Variants in C13orf42 observed in about 807,000 individuals in gnomAD.
The protein encoded by C13orf42 is uncharacterized protein C13orf42.
chr13:51,159,768 T>C (rs757350472), intron 1 of C13orf42, among the ~76,000 whole-genome samples: 14 of 152,114 alleles, frequency 9.2e-5, no homozygotes, highest in Non-Finnish European at 1.5e-4. Flanking sequence ...TTATACAGCA[T>C]GAAGTGTCTC....
intron 1 of C13orf42, among the ~76,000 whole-genome samples, chr13:51,124,482 G>A (rs1291080772): frequency 1.3e-5 from 2 of 152,192 alleles, no homozygotes; most frequent in South Asian, 2.1e-4. Flanking sequence ...GTTGTGCTAC[G>A]TTGTTAGTTG....
chr13:51,146,471 C>A (rs760296688), intron 1 of C13orf42, among the ~76,000 whole-genome samples: 1 of 152,166 alleles, frequency 6.6e-6, no homozygotes. Flanking sequence ...AAGTTAAGGA[C>A]GCACGCCCAT....
rs575392610 is a variant in C13orf42 at position 51,170,743 on chromosome 13, G to A, written n.136+1510C>T. 1.9e-4 allele frequency among the ~76,000 whole-genome samples: 29 copies of A among 152,216 alleles called. No individual in the cohort carries two copies. The South Asian group carries it at 5.4e-3, about 28-fold the overall frequency. ...CAAGGGTGTCAGACCACGCAGGGAC[G>A]CCTGCCTTGGTCCTTCACCCTTAGC... is the stretch of plus-strand genomic sequence containing the variant. On this transcript the variant is annotated intron_variant and non_coding_transcript_variant, in intron 1 of 4. Transcript: ENST00000433280.
chr13:51,110,429 T>A (rs118130442), intron 1 of C13orf42, among the ~76,000 whole-genome samples: 1,993 of 152,206 alleles, frequency 0.013, 20 homozygotes, highest in Middle Eastern at 0.02. Context: ...CCTTTTTGCT[T>A]CCTGGGTATT....
At chr13:51,149,259 T>C (rs1265033167) in intron 1 of C13orf42, among the ~76,000 whole-genome samples, 1 of 151,566 alleles carries the variant, frequency 6.6e-6, no homozygotes, top group Middle Eastern at 3.2e-3. Context: ...GCTTAGAAAT[T>C]TTATTCAAAG....
intron 1 of C13orf42, among the ~76,000 whole-genome samples, chr13:51,089,860 C>A (rs912227478): frequency 6.6e-6 from 1 of 151,076 alleles, no homozygotes; most frequent in African/African-American, 2.4e-5. Flanking sequence ...GAAAGGCCAT[C>A]CATGGAAGAG....
chr13:51,130,969 A>G (rs1484537807), intron 1 of C13orf42, among the ~76,000 whole-genome samples: 1 of 152,116 alleles, frequency 6.6e-6, no homozygotes, highest in Non-Finnish European at 1.5e-5. Context: ...GGTTTGAACA[A>G]GTTGTAGAAG....
At chr13:51,092,251 T>C (rs1216103477) in intron 1 of C13orf42, among the ~76,000 whole-genome samples, 2 of 152,232 alleles carry the variant, frequency 1.3e-5, no homozygotes, top group Non-Finnish European at 2.9e-5. Flanking sequence ...CCCAAGTCTG[T>C]TACCACCTGC....
chr13:51,147,007 T>C (rs2138035020), intron 1 of C13orf42, among the ~76,000 whole-genome samples: 1 of 152,350 alleles, frequency 6.6e-6, no homozygotes, highest in African/African-American at 2.4e-5. Flanking sequence ...TAGGCTTCTA[T>C]CAACCTCAGG....
chr13:51,101,208 T>C (rs1410995047), intron 1 of C13orf42, among the ~76,000 whole-genome samples: 1 of 152,346 alleles, frequency 6.6e-6, no homozygotes, highest in Non-Finnish European at 1.5e-5. Flanking sequence ...TTCTTCATTT[T>C]ATCTTACAAC....
intron 1 of C13orf42, among the ~76,000 whole-genome samples, chr13:51,168,158 T>C (rs1447877150): frequency 6.6e-6 from 1 of 152,236 alleles, no homozygotes; most frequent in Admixed American, 6.5e-5. Flanking sequence ...AGACACCTTA[T>C]AAGCATTACT....
chr13:51,142,985 T>C (rs562447258), intron 1 of C13orf42, among the ~76,000 whole-genome samples: 2 of 152,322 alleles, frequency 1.3e-5, no homozygotes, highest in African/African-American at 4.8e-5. Flanking sequence ...AGTTGTCATA[T>C]TGTTATTAAG....
At chr13:51,095,892 G>A (rs2137984817) in intron 1 of C13orf42, among the ~76,000 whole-genome samples, 1 of 152,202 alleles carries the variant, frequency 6.6e-6, no homozygotes, top group Non-Finnish European at 1.5e-5. Context: ...GTACTGCATT[G>A]TTCTTTTCTT....
chr13:51,088,131 CAG>C (rs1953149172), intron 1 of C13orf42, 56 bp from the exon 2 acceptor site: 1 of 398,188 alleles, frequency 2.5e-6, no homozygotes, highest in Middle Eastern at 6.3e-4. Context: ...GCCAGAGACT[CAG>C]AAAAGGGTGA....
chr13:51,153,737 G>A (rs992219641), intron 1 of C13orf42, among the ~76,000 whole-genome samples: 2 of 144,996 alleles, frequency 1.4e-5, no homozygotes, highest in African/African-American at 5.1e-5. Context: ...CGTCTCCTGA[G>A]CTCAAGTGAT....
At chr13:51,085,182 CAAATATAT>C in intron 3 of C13orf42, 129 bp downstream of exon 3, 2 of 147,974 alleles carry the variant, frequency 1.4e-5, no homozygotes, top group East Asian at 1.1e-4. Flanking sequence ...CCAGCAACAA[CAAATATAT>C]ATATATATAT....
intron 1 of C13orf42, among the ~76,000 whole-genome samples, chr13:51,155,862 C>T (rs905998498): frequency 3.3e-5 from 5 of 152,150 alleles, no homozygotes; most frequent in Admixed American, 2.6e-4. Flanking sequence ...ACTGTCACCA[C>T]GTGGTCAGGG....
chr13:51,106,154 A>G lies in C13orf42; in HGVS notation c.414+4642T>C, dbSNP rs529962698. ...AACTGGAATCACAGGTAGCCATGTG[A>G]AAAGAAGTCAAGATGGAGATAAATT... is the stretch of plus-strand genomic sequence containing the variant. On this transcript the variant is annotated intron_variant, in intron 1 of 3. Coordinates refer to ENST00000563710, the MANE Select transcript of C13orf42 (RefSeq NM_001351589.3). 2.0e-5 allele frequency among the ~76,000 whole-genome samples: 3 copies of G among 152,332 alleles called. No individual in the cohort carries two copies. The South Asian group carries it at 6.2e-4, about 32-fold the overall frequency.
chr13:51,134,315 A>G (rs548489650), intron 1 of C13orf42, among the ~76,000 whole-genome samples: 21 of 152,304 alleles, frequency 1.4e-4, no homozygotes, highest in Non-Finnish European at 2.4e-4. Context: ...GGCACTCCTC[A>G]GTCTCAGAAT....
Sources: gnomAD v4.1 joint callset for allele counts (sites outside exome capture counted in the v4.1 genomes callset) on GRCh38, gnomAD v4.1.1 for gene constraint, MANE v1.5 for transcripts, NCBI Gene and HGNC (gene_info 2026-07-23, HGNC 2026-07-21) for gene names.